Variants in PRKCE observed in about 807,000 individuals in gnomAD.
PRKCE encodes the protein protein kinase C epsilon, also known as protein kinase C epsilon type.
A neutral mutation model predicts 85.4 loss-of-function variants in PRKCE; 16 were observed. The observed-to-expected ratio is 0.19, with a 90% CI of 0.13 to 0.28. PRKCE has a LOEUF of 0.28. Among genes scored for constraint, PRKCE ranks in the 10% least tolerant of loss-of-function variants. The pLI is 1.00. For missense variants in PRKCE, 573 were observed against 975.2 expected (o/e 0.59, Z 5.49); for synonymous variants, 388 against 371.5 (o/e 1.04, Z -0.51).
At chr2:45,782,079 A>C (rs1449393939) in intron 1 of PRKCE, among the ~76,000 whole-genome samples, 2 of 152,224 alleles carry the variant, frequency 1.3e-5, no homozygotes, top group Non-Finnish European at 2.9e-5. Context: ...AAGAAAGCTC[A>C]AATTAAGGGC....
chr2:45,929,140 G>T (rs1698849059), intron 2 of PRKCE, among the ~76,000 whole-genome samples: 1 of 152,128 alleles, frequency 6.6e-6, no homozygotes, highest in Non-Finnish European at 1.5e-5. Context: ...TTACAGACTT[G>T]TCATGATCTG....
intron 1 of PRKCE, among the ~76,000 whole-genome samples, chr2:45,732,100 A>G (rs528852979): frequency 6.6e-6 from 1 of 152,166 alleles, no homozygotes; most frequent in Non-Finnish European, 1.5e-5. Flanking sequence ...GGGCCATACC[A>G]TCTTATCAGT....
intron 6 of PRKCE, among the ~76,000 whole-genome samples, chr2:45,990,657 T>A (rs1469087599): frequency 4.6e-5 from 7 of 151,914 alleles, no homozygotes; most frequent in Non-Finnish European, 8.8e-5. Context: ...TAAATTACTT[T>A]CTTTTTTTTT....
intron 10 of PRKCE, among the ~76,000 whole-genome samples, chr2:46,012,539 C>G (rs1216114643): frequency 6.6e-6 from 1 of 152,104 alleles, no homozygotes; most frequent in Non-Finnish European, 1.5e-5. Flanking sequence ...TCCCCCTGTC[C>G]CCAGCAGGTA....
chr2:46,072,199 A>T (rs1668140951), intron 10 of PRKCE, among the ~76,000 whole-genome samples: 1 of 152,240 alleles, frequency 6.6e-6, no homozygotes, highest in Non-Finnish European at 1.5e-5. Context: ...GTGGTATGGA[A>T]ATCCTCTTCA....
At chr2:46,084,495 G>A (rs776760908) in intron 10 of PRKCE, among the ~76,000 whole-genome samples, 3 of 152,022 alleles carry the variant, frequency 2.0e-5, no homozygotes, top group Non-Finnish European at 2.9e-5. Flanking sequence ...AGGCCAAGGC[G>A]GGTGGATCAC....
At chr2:46,038,742 A>G (rs1279817058) in intron 10 of PRKCE, among the ~76,000 whole-genome samples, 1 of 151,316 alleles carries the variant, frequency 6.6e-6, no homozygotes, top group Non-Finnish European at 1.5e-5. Context: ...ATCTTATTCC[A>G]TTACATCAAG....
At chr2:46,170,229 G>T (rs1678759588) in intron 14 of PRKCE, among the ~76,000 whole-genome samples, 1 of 152,204 alleles carries the variant, frequency 6.6e-6, no homozygotes, top group Non-Finnish European at 1.5e-5. Context: ...ACCCTGGTCT[G>T]CTTTCTGTCA....
chr2:45,941,065 T>TAAAAAAAAAAAAAAAAAAAAAAAAAAAAA (rs397781944), intron 2 of PRKCE, among the ~76,000 whole-genome samples: 5 of 67,158 alleles, frequency 7.4e-5, no homozygotes, highest in Admixed American at 2.4e-4. Flanking sequence ...GACTTCATCC[T>TAAAAAAAAAAAAAAAAAAAAAAAAAAAAA]AAAAAAAAAA....
At chr2:45,791,113 G>T (rs754085642) in intron 1 of PRKCE, among the ~76,000 whole-genome samples, 6 of 152,238 alleles carry the variant, frequency 3.9e-5, no homozygotes, top group Non-Finnish European at 8.8e-5. Context: ...AGAGGTCTCT[G>T]AATTGGCTGG....
intron 1 of PRKCE, among the ~76,000 whole-genome samples, chr2:45,720,582 C>G (rs1456704990): frequency 6.6e-6 from 1 of 152,160 alleles, no homozygotes; most frequent in African/African-American, 2.4e-5. Flanking sequence ...CCTCTTTGCC[C>G]ACATTCACTT....
At chr2:46,083,505 A>G (rs1188885568) in intron 10 of PRKCE, among the ~76,000 whole-genome samples, 1 of 152,050 alleles carries the variant, frequency 6.6e-6, no homozygotes, top group African/African-American at 2.4e-5. Flanking sequence ...CATTGTTGCT[A>G]AAGTCCGAGT....
chr2:45,870,027 G>A (rs986712523), intron 2 of PRKCE, among the ~76,000 whole-genome samples: 9 of 152,084 alleles, frequency 5.9e-5, no homozygotes, highest in African/African-American at 2.2e-4. Flanking sequence ...TTCTATGGAG[G>A]AGCTCGGTGA....
chr2:45,958,810 ATATATATTTTTTTTTTTTTTTT>A lies in PRKCE; in HGVS notation c.413-17617_413-17596del, dbSNP rs1413592418. The stretch of plus-strand genomic sequence containing the variant: ...TTAAAACATATATATATATATATAT[ATATATATTTTTTTTTTTTTTTT>A]TTTTTTTTTTTTTTTTTTTTTTTAA... On this transcript the variant is annotated intron_variant, in intron 2 of 14. Coordinates refer to ENST00000306156, the MANE Select transcript of PRKCE (RefSeq NM_005400.3). Among the ~76,000 whole-genome samples the A allele has an allele frequency of 1.0e-3, 24 of 24,008 alleles. 1 individual carries two copies. In the East Asian group the frequency reaches 0.021, roughly 21 times the overall value. The allele number at this position is 24,008 out of a possible 152,430, so 15.8% of individuals were successfully genotyped here.
chr2:45,679,663 A>G (rs1486408830), intron 1 of PRKCE, among the ~76,000 whole-genome samples: 2 of 152,182 alleles, frequency 1.3e-5, no homozygotes, highest in African/African-American at 4.8e-5. Context: ...GAGTGGGTGC[A>G]TGTGGAACAC....
intron 2 of PRKCE, among the ~76,000 whole-genome samples, chr2:45,901,592 A>AT (rs1463417921): frequency 3.2e-4 from 48 of 152,318 alleles, no homozygotes; most frequent in Non-Finnish European, 1.5e-4. Context: ...AGTTTGAAGG[A>AT]TTTTTTTATA....
At chr2:45,797,593 C>T (rs900797555) in intron 1 of PRKCE, among the ~76,000 whole-genome samples, 1 of 152,254 alleles carries the variant, frequency 6.6e-6, no homozygotes. Context: ...GCCAACCCCA[C>T]TGAAGCTCTG....
At chr2:45,768,845 A>G (rs982700171) in intron 1 of PRKCE, among the ~76,000 whole-genome samples, 3 of 152,340 alleles carry the variant, frequency 2.0e-5, no homozygotes, top group African/African-American at 7.2e-5. Context: ...TTATATCCAA[A>G]TGTTGTGTCT....
At chr2:45,955,692 C>G (rs1455044002) in intron 2 of PRKCE, among the ~76,000 whole-genome samples, 1 of 152,058 alleles carries the variant, frequency 6.6e-6, no homozygotes, top group Non-Finnish European at 1.5e-5. Flanking sequence ...ATGCTTTAGG[C>G]AGATGTTCAT....
Sources: allele counts gnomAD v4.1 joint callset (sites outside exome capture counted in the v4.1 genomes callset), GRCh38; gene constraint gnomAD v4.1.1; transcripts MANE v1.5; gene names NCBI Gene and HGNC (gene_info 2026-07-23, HGNC 2026-07-21).